The following B4GALT7 variants were observed in gnomAD, a reference collection of about 807,000 sequenced individuals.
The protein encoded by B4GALT7 is beta-1,4-galactosyltransferase 7.
In B4GALT7, 30 loss-of-function variants were observed where a neutral mutation model predicts 33.0. That is an observed-to-expected ratio of 0.91 (90% CI 0.68 to 1.23). The LOEUF (loss-of-function observed/expected upper bound fraction) is 1.23. Ranked by LOEUF, B4GALT7 falls within the 50% of genes most tolerant of loss-of-function variation. The pLI is 0.00. For missense variants in B4GALT7, 507 were observed against 450.8 expected (o/e 1.12, Z -1.13); for synonymous variants, 213 against 187.2 (o/e 1.14, Z -1.13).
In B4GALT7 at chr5:177,606,198, C is replaced by T. The variant is rs1768005332; in HGVS notation, c.414-1104C>T. 6.6e-6 allele frequency: 1 copy of T among 152,194 alleles called. No homozygotes were observed. Among genetic ancestry groups the T allele is most frequent in the South Asian group, 2.1e-4 (1 of 4,826 alleles). 9.4% of individuals were successfully genotyped at this position (152,194 alleles called of 1,614,324 possible). A position where few individuals can be genotyped will look rare whatever the true frequency, so the allele number is the denominator to read the frequency against. ...ACCACGTCTCTGATGATTCCTGAGG[C>T]TGTTTCCTGGAGTTCTCTCCTAAAC... is the stretch of plus-strand genomic sequence containing the variant. On this transcript the variant is annotated intron_variant, in intron 2 of 5. Coordinates refer to ENST00000029410, the MANE Select transcript of B4GALT7 (RefSeq NM_007255.3). This position sits in a 1 kb window ranked among gnomAD's most constrained non-coding sequence, Gnocchi z 4.2.
At chr5:177,604,564 C>T in intron 2 of B4GALT7, 23 bp downstream of exon 2, 2 of 1,613,044 alleles carry the variant, frequency 1.2e-6, no homozygotes, top group Non-Finnish European at 1.7e-6. Context: ...CCCACCCTCT[C>T]CCCTCGGCAC....
rs1425793770 is a variant in B4GALT7 at position 177,606,769 on chromosome 5, TG to T, written c.414-532del. On this transcript the variant is annotated intron_variant, in intron 2 of 5. Transcript: ENST00000029410. This position sits in a 1 kb window ranked among gnomAD's most constrained non-coding sequence, Gnocchi z 4.2. ...GTGTCACCCCCAACATCCCCACCTCTGCCCTCGCCCTGCCCAGCTGCCCGTT... is the reference window on the plus strand; with the variant it reads ...GTGTCACCCCCAACATCCCCACCTCTCCCTCGCCCTGCCCAGCTGCCCGTT... 1.2e-5 allele frequency: 3 copies of T among 249,450 alleles called. No individual in the cohort carries two copies. The highest frequency in any genetic ancestry group is 2.4e-5 in the Non-Finnish European group (3 of 125,194). 15.5% of individuals were successfully genotyped at this position (249,450 alleles called of 1,614,324 possible).
chr5:177,606,591 GCT>G lies in B4GALT7; in HGVS notation c.414-708_414-707del, dbSNP rs1768018771. 6.5e-6 allele frequency: 1 copy of G among 154,420 alleles called. No homozygotes were observed. Among genetic ancestry groups the G allele is most frequent in the South Asian group, 2.0e-4 (1 of 4,956 alleles). The allele number at this position is 154,420 out of a possible 1,614,324, so 9.6% of individuals were successfully genotyped here. The stretch of plus-strand genomic sequence containing the variant: ...AGCTGGTCTCCCTGCTTTCACCCCT[GCT>G]CTGACAGTCTCTTCCAGCACAACAG... On this transcript the variant is annotated intron_variant, in intron 2 of 5. Transcript: ENST00000029410. This position sits in a 1 kb window ranked among gnomAD's most constrained non-coding sequence, Gnocchi z 4.2.
chr5:177,608,804 G>A lies in B4GALT7; in HGVS notation c.724-106G>A. 8.4e-7 allele frequency: 1 copy of A among 1,183,980 alleles called. No homozygotes were observed. Among genetic ancestry groups the A allele is most frequent in the South Asian group, 1.2e-5 (1 of 80,988 alleles). 73.3% of individuals were successfully genotyped at this position (1,183,980 alleles called of 1,614,324 possible). A position where few individuals can be genotyped will look rare whatever the true frequency, so the allele number is the denominator to read the frequency against. On this transcript the variant is annotated intron_variant, in intron 4 of 5. Transcript: ENST00000029410. The surrounding 1 kb of genome is among the most constrained non-coding windows in gnomAD (Gnocchi z 4.1). ...CCTGTGGGCCCCAGTCTCCTCTCCT[G>A]CAGGCTGGGAGTGCAGGTCCCTTCC...
At position 177,604,525 on chromosome 5, in the gene B4GALT7, C is replaced by A; in HGVS notation, c.397C>A (p.Gln133Lys). Residue 133 changes from glutamine (Q) to lysine (K), a missense_variant, in exon 2 of 6, where the codon CAG (glutamine) becomes AAG (lysine). Transcript: ENST00000029410. ...KIRHHIYVLNQVDHFRFNRAA... is the reference protein window; with the variant it reads ...KIRHHIYVLNKVDHFRFNRAA... ...CCGGCACCACATCTACGTGCTCAAC[C>A]AGGTGGACCACTTCAGGTAGCGCCC... 6.2e-7 allele frequency: 1 copy of A among 1,613,840 alleles called. No homozygotes were observed. The highest frequency in any genetic ancestry group is 8.5e-7 in the Non-Finnish European group (1 of 1,179,938).
Position 177,609,566 on chromosome 5 carries a change from A to C in B4GALT7, c.855A>C (p.Gly285=). Residue 285 remains glycine (G), a synonymous_variant, in exon 6 of 6, where the codon GGA becomes GGC. Coordinates refer to ENST00000029410, the MANE Select transcript of B4GALT7 (RefSeq NM_007255.3). ...KQEQFKVDRE[G]GLNTVKYHVA... The stretch of plus-strand genomic sequence containing the variant: ...AGCAGTTCAAGGTGGACAGGGAGGG[A>C]GGCCTGAACACTGTGAAGTACCATG... 2 of 1,613,526 alleles carry C rather than the reference A, an allele frequency of 1.2e-6. No individual in the cohort carries two copies. Among genetic ancestry groups the C allele is most frequent in the Non-Finnish European group, 1.7e-6 (2 of 1,180,018 alleles).
Position 177,606,047 on chromosome 5 carries a change from T to A in B4GALT7, c.414-1255T>A, listed in dbSNP as rs1408541499. 1.3e-5 allele frequency: 2 copies of A among 152,232 alleles called. No individual in the cohort carries two copies. The highest frequency in any genetic ancestry group is 2.9e-5 in the Non-Finnish European group (2 of 68,096). 9.4% of individuals were successfully genotyped at this position (152,232 alleles called of 1,614,324 possible). ...CCTCTGCACTGGCTGGGCCTCTGTG[T>A]CTGTGGGTTCTGCTCATCTCCCCGA... On this transcript the variant is annotated intron_variant, in intron 2 of 5. Coordinates refer to ENST00000029410, the MANE Select transcript of B4GALT7 (RefSeq NM_007255.3). This position sits in a 1 kb window ranked among gnomAD's most constrained non-coding sequence, Gnocchi z 4.2.
chr5:177,604,292 G>A lies in B4GALT7; in HGVS notation c.164G>A (p.Gly55Glu). ...SLLWLQLSCS[G>E]DVARAVRGQG... ...CTCTGGCTGCAGCTCAGCTGCTCTG[G>A]GGACGTGGCCCGGGCAGTCAGGGGA... is the stretch of plus-strand genomic sequence containing the variant. Residue 55 changes from glycine to glutamate, a missense_variant, in exon 2 of 6, where the codon GGG becomes GAG. Transcript: ENST00000029410. 6.2e-7 allele frequency: 1 copy of A among 1,612,288 alleles called. No individual in the cohort carries two copies. The highest frequency in any genetic ancestry group is 1.3e-5 in the African/African-American group (1 of 75,004).
In B4GALT7 at chr5:177,608,926, GA is replaced by G; in HGVS notation, c.742del (p.Ile248SerfsTer40). ...GAGLQLFRPS[G>X]ITTGYKTFRH... Reference sequence around the variant, plus strand: ...CCTCCCTAGCTTTTCCGCCCCTCGGGAATCACAACTGGGTACAAGACATTTC... The same window carrying G: ...CCTCCCTAGCTTTTCCGCCCCTCGGGATCACAACTGGGTACAAGACATTTC... On this transcript the variant is annotated frameshift_variant, in exon 5 of 6. Transcript: ENST00000029410. LOFTEE classifies it high-confidence loss of function. This position sits in a 1 kb window ranked among gnomAD's most constrained non-coding sequence, Gnocchi z 4.1. The G allele has an allele frequency of 6.2e-7, 1 of 1,613,748 alleles. No individual in the cohort carries two copies. The highest frequency in any genetic ancestry group is 1.3e-5 in the African/African-American group (1 of 75,048).
At chr5:177,602,243 G>A (rs1010924436) in intron 1 of B4GALT7, among the ~76,000 whole-genome samples, 3 of 152,098 alleles carry the variant, frequency 2.0e-5, no homozygotes, top group South Asian at 2.1e-4. Flanking sequence ...TCTCAGCTGC[G>A]TGTGGAACCT....
rs1421398047 is a variant in B4GALT7, at chr5:177,610,163, C to G, written c.*468C>G. On this transcript the variant is annotated 3_prime_UTR_variant, in exon 6 of 6. Transcript: ENST00000029410. ...TTCAGAAACCAGAGCACAAGCCCCA[C>G]AGAGGGGGAACAGCCAGCACCGCTC... The G allele has an allele frequency of 5.1e-6, 1 of 197,100 alleles. No homozygotes were observed. Among genetic ancestry groups the G allele is most frequent in the African/African-American group, 2.3e-5 (1 of 43,442 alleles). 12.2% of individuals were successfully genotyped at this position (197,100 alleles called of 1,614,324 possible). A position where few individuals can be genotyped will look rare whatever the true frequency, so the allele number is the denominator to read the frequency against.
intron 1 of B4GALT7, chr5:177,602,833 C>A: frequency 1.0e-6 from 1 of 983,434 alleles, no homozygotes. Context: ...GGGCAAGGAA[C>A]AGATGAGTGA....
intron 1 of B4GALT7, 60 bp from the exon 2 acceptor site, chr5:177,604,118 CG>C (rs1767909464): frequency 6.2e-7 from 1 of 1,609,722 alleles, no homozygotes. Flanking sequence ...GGCCAGAGAA[CG>C]GGTCTGTCAC....
intron 2 of B4GALT7, chr5:177,607,041 G>T: frequency 1.8e-6 from 1 of 564,670 alleles, no homozygotes; most frequent in South Asian, 2.0e-5. Flanking sequence ...GCTTGTTTCT[G>T]TTTCCTTCTA....
Position 177,608,474 on chromosome 5 carries a change from TAGG to T in B4GALT7, c.640-62_640-60del, listed in dbSNP as rs1768077498. The T allele has an allele frequency of 2.1e-6, 3 of 1,458,222 alleles. No individual in the cohort carries two copies. Among genetic ancestry groups the T allele is most frequent in the Non-Finnish European group, 2.9e-6 (3 of 1,043,776 alleles). The allele number at this position is 1,458,222 out of a possible 1,614,324, so 90.3% of individuals were successfully genotyped here. A position where few individuals can be genotyped will look rare whatever the true frequency, so the allele number is the denominator to read the frequency against. On this transcript the variant is annotated intron_variant, in intron 3 of 5. Transcript: ENST00000029410. This position sits in a 1 kb window ranked among gnomAD's most constrained non-coding sequence, Gnocchi z 4.1. ...GGGGGAGAGGGGCACTCCCGAGCGG[TAGG>T]AGACCAAAGGCCCCCCCCCCCGGGA...
chr5:177,607,901 T>C lies in B4GALT7; in HGVS notation c.639+374T>C, dbSNP rs1282348175. 1.7e-5 allele frequency: 6 copies of C among 342,860 alleles called. No individual in the cohort carries two copies. In the Admixed American group the frequency reaches 2.5e-4, roughly 14 times the overall value. The allele number at this position is 342,860 out of a possible 1,614,324, so 21.2% of individuals were successfully genotyped here. On this transcript the variant is annotated intron_variant, in intron 3 of 5. Coordinates refer to ENST00000029410, the MANE Select transcript of B4GALT7 (RefSeq NM_007255.3). ...GTGGTGGTTGTTACTGCAGTCTGTA[T>C]CCATCTAGGCCCCGGGCTGGTGGGA...
rs1170239966 is a variant in B4GALT7, at chr5:177,609,687, T to G, written c.976T>G (p.Phe326Val). ...CAAGACCGCCACACCCTGGTGCACATTCAGCTGAGCTGGATGGACAGTGAG... is the reference window on the plus strand; with the variant it reads ...CAAGACCGCCACACCCTGGTGCACAGTCAGCTGAGCTGGATGGACAGTGAG... ...CDKTATPWCT[F>V]S Residue 326 changes from phenylalanine to valine, a missense_variant, in exon 6 of 6, where the codon TTC (phenylalanine) becomes GTC (valine). By Grantham distance (50) the Phe-to-Val change is conservative. Transcript: ENST00000029410. 20 of 1,610,028 alleles carry G rather than the reference T, an allele frequency of 1.2e-5. No individual in the cohort carries two copies. Among genetic ancestry groups the G allele is most frequent in the Middle Eastern group, 3.5e-4 (2 of 5,770 alleles).
At position 177,604,496 on chromosome 5, in the gene B4GALT7, A is replaced by G. The variant is rs1767929442; in HGVS notation, c.368A>G (p.Lys123Arg). 1.2e-6 allele frequency: 2 copies of G among 1,613,954 alleles called. No individual in the cohort carries two copies. Among genetic ancestry groups the G allele is most frequent in the Non-Finnish European group, 1.7e-6 (2 of 1,179,944 alleles). ...ATGCGCCGCTTCCTGAGCAGGAAGAAGATCCGGCACCACATCTACGTGCTC... is the reference window on the plus strand; with the variant it reads ...ATGCGCCGCTTCCTGAGCAGGAAGAGGATCCGGCACCACATCTACGTGCTC... ...PHMRRFLSRK[K>R]IRHHIYVLNQ... Residue 123 changes from lysine to arginine, a missense_variant, in exon 2 of 6, where the codon AAG becomes AGG. Transcript: ENST00000029410.
Position 177,609,870 on chromosome 5 carries a change from C to A in B4GALT7, c.*175C>A. Reference sequence around the variant, plus strand: ...GGCAGGCTTGGGCTGGGCCAGGACACGTGGGGTGCCTGGGACGCTGCTTGC... The same window carrying A: ...GGCAGGCTTGGGCTGGGCCAGGACAAGTGGGGTGCCTGGGACGCTGCTTGC... On this transcript the variant is annotated 3_prime_UTR_variant, in exon 6 of 6. Coordinates refer to ENST00000029410, the MANE Select transcript of B4GALT7 (RefSeq NM_007255.3). The A allele has an allele frequency of 1.3e-6, 1 of 779,814 alleles. No homozygotes were observed. Among genetic ancestry groups the A allele is most frequent in the Non-Finnish European group, 2.1e-6 (1 of 481,588 alleles). 48.3% of individuals were successfully genotyped at this position (779,814 alleles called of 1,614,324 possible). A position where few individuals can be genotyped will look rare whatever the true frequency, so the allele number is the denominator to read the frequency against.
Sources: gnomAD v4.1 joint callset for allele counts (sites outside exome capture counted in the v4.1 genomes callset) on GRCh38, gnomAD v4.1.1 for gene constraint, Gnocchi (gnomAD v3.1) non-coding constraint, MANE v1.5 for transcripts, NCBI Gene and HGNC (gene_info 2026-07-23, HGNC 2026-07-21) for gene names.